The following OR2T11 variants were observed in gnomAD, a reference collection of about 807,000 sequenced individuals.
The protein encoded by OR2T11 is olfactory receptor 2T11.
In OR2T11, 14 loss-of-function variants were observed where a neutral mutation model predicts 13.5. That is an observed-to-expected ratio of 1.04 (90% confidence interval 0.69 to 1.62). OR2T11 has a LOEUF of 1.62. Among genes scored for constraint, OR2T11 ranks in the 40% most tolerant of loss-of-function variants. The pLI, the probability that OR2T11 is intolerant of heterozygous loss-of-function variation, is 0.00. For missense variants in OR2T11, 410 were observed against 389.7 expected, an observed-to-expected ratio of 1.05 and a Z score of -0.44; for synonymous variants, 163 against 154.6, an observed-to-expected ratio of 1.05 and a Z score of -0.40.
rs1381904161 is a variant in OR2T11, at chr1:248,626,175, T to C, written c.*3A>G. The C allele has an allele frequency of 7.0e-7, 1 of 1,435,462 alleles. No individual in the cohort carries two copies. The highest frequency in any genetic ancestry group is 1.6e-5 in the African/African-American group (1 of 62,774). 88.9% of individuals were successfully genotyped at this position (1,435,462 alleles called of 1,614,324 possible). A position where few individuals can be genotyped will look rare whatever the true frequency, so the allele number is the denominator to read the frequency against. ...GAAGCCTTATCCTCTGGGCAGTGAC[T>C]CTCTAAGCATCACTTGTTGCTACTT... is the stretch of plus-strand genomic sequence containing the variant. On this transcript the variant is annotated 3_prime_UTR_variant, in exon 2 of 2. Coordinates refer to ENST00000641193, the MANE Select transcript of OR2T11 (RefSeq NM_001001964.2).
intron 1 of OR2T11, among the ~76,000 whole-genome samples, chr1:248,633,841 C>CT (rs200727949): frequency 2.1e-5 from 3 of 143,824 alleles, no homozygotes; most frequent in Non-Finnish European, 4.5e-5. Context: ...AGAAATGCCC[C>CT]TAATGGGACT....
rs540029475 is a variant in OR2T11 at position 248,631,497 on chromosome 1, T to TC, written c.-145+3540dup. ...GCTCTCTGCCACTACCCTTAACTTCTCCCCAAAGATAATATCCCTTTGAGC... is the reference window on the plus strand; with the variant it reads ...GCTCTCTGCCACTACCCTTAACTTCTCCCCCAAAGATAATATCCCTTTGAGC... On this transcript the variant is annotated intron_variant, in intron 1 of 1. Transcript: ENST00000641193. Among the ~76,000 whole-genome samples, 123 of 142,024 alleles carry TC rather than the reference T, an allele frequency of 8.7e-4. 30 individuals carry two copies. Among genetic ancestry groups the TC allele is most frequent in the African/African-American group, 3.3e-3 (117 of 35,778 alleles). 93.2% of individuals were successfully genotyped at this position (142,024 alleles called of 152,430 possible).
rs1396663844 is a variant in OR2T11 at position 248,623,960 on chromosome 1, G to GAT, written c.*2216_*2217dup. 1 of 141,426 alleles carries GAT rather than the reference G, an allele frequency of 7.1e-6. No homozygotes were observed. The highest frequency in any genetic ancestry group is 1.5e-5 in the Non-Finnish European group (1 of 65,706). 8.8% of individuals were successfully genotyped at this position (141,426 alleles called of 1,614,324 possible). A position where few individuals can be genotyped will look rare whatever the true frequency, so the allele number is the denominator to read the frequency against. ...CTCAAACTTTTGACGGGACCACCCT[G>GAT]ATCTTTACTCATAGACGCTCTCATT... On this transcript the variant is annotated 3_prime_UTR_variant, in exon 2 of 2. Transcript: ENST00000641193.
rs1344063763 is a variant in OR2T11 at position 248,625,931 on chromosome 1, T to C, written c.*247A>G. On this transcript the variant is annotated 3_prime_UTR_variant, in exon 2 of 2. Coordinates refer to ENST00000641193, the MANE Select transcript of OR2T11 (RefSeq NM_001001964.2). ...GAACTCTAATATTTGGGGTTTTTCT[T>C]CCCTAAATAAAAAGACTAGATAAAT... The C allele has an allele frequency of 3.2e-6, 1 of 309,838 alleles. No homozygotes were observed. The highest frequency in any genetic ancestry group is 5.8e-6 in the Non-Finnish European group (1 of 172,466). The allele number at this position is 309,838 out of a possible 1,614,324, so 19.2% of individuals were successfully genotyped here. A position where few individuals can be genotyped will look rare whatever the true frequency, so the allele number is the denominator to read the frequency against.
Position 248,626,911 on chromosome 1 carries a change from G to T in OR2T11, c.218C>A (p.Thr73Asn). ...GTCTGCCAGGAGTTTTGGGACAGTG[G>T]TACAGATGAAAAGGGTGTCCATGAT... ...LSIMDTLFICTTVPKLLADMV... is the reference protein window; with the variant it reads ...LSIMDTLFICNTVPKLLADMV... Residue 73 changes from threonine to asparagine, a missense_variant, in exon 2 of 2, where the codon ACC (threonine) becomes AAC (asparagine). Thr to Asn is a moderately conservative substitution (Grantham distance 65). Coordinates refer to ENST00000641193, the MANE Select transcript of OR2T11 (RefSeq NM_001001964.2). The T allele has an allele frequency of 1.3e-6, 2 of 1,570,392 alleles. No individual in the cohort carries two copies. Among genetic ancestry groups the T allele is most frequent in the Non-Finnish European group, 1.7e-6 (2 of 1,154,466 alleles).
In OR2T11 at chr1:248,626,415, A is replaced by G. The variant is rs530912003; in HGVS notation, c.714T>C (p.Cys238=). The G allele has an allele frequency of 2.8e-5, 44 of 1,571,602 alleles. 9 individuals are homozygous for G. The East Asian group carries it at 8.2e-4, about 29-fold the overall frequency. The change falls in exon 2 of 2, where the codon TGT becomes TGC. Residue 238 remains cysteine, a synonymous_variant. Transcript: ENST00000641193. ...TGCTAACTACAGTCAAGTGGGAGGA[A>G]CAAGTGGTGAAGGCCTTTTTGCGAC... ...AEGRKKAFTT[C]SSHLTVVSIF...
Position 248,627,144 on chromosome 1 carries a change from GCGT to G in OR2T11, c.-19_-17del, listed in dbSNP as rs757921763. The G allele has an allele frequency of 5.1e-6, 7 of 1,382,788 alleles. 1 individual carries two copies. In the East Asian group the frequency reaches 1.6e-4, roughly 32 times the overall value. 85.7% of individuals were successfully genotyped at this position (1,382,788 alleles called of 1,614,324 possible). A position where few individuals can be genotyped will look rare whatever the true frequency, so the allele number is the denominator to read the frequency against. On this transcript the variant is annotated 5_prime_UTR_variant, in exon 2 of 2. Transcript: ENST00000641193. ...TGTTCGTCATTGATATGGCCCACGA[GCGT>G]CCCAGGGCAACGGGAAGACACAAGG...
chr1:248,630,428 CAA>C (rs3033663), intron 1 of OR2T11, among the ~76,000 whole-genome samples: 133,554 of 141,232 alleles, frequency 0.95, 64,609 homozygotes, highest in East Asian at 1. Context: ...GCATAATTCA[CAA>C]AAAAAGGAGG....
chr1:248,626,968 G>C lies in OR2T11; in HGVS notation c.161C>G (p.Thr54Ser). The C allele has an allele frequency of 6.4e-7, 1 of 1,571,958 alleles. No individual in the cohort carries two copies. The highest frequency in any genetic ancestry group is 8.7e-7 in the Non-Finnish European group (1 of 1,156,042). ...CTGACTGAGCAGAAAGTACATGGGG[G>C]TGTGGAGGCGAGAGTCCACCTGAAT... Reference protein sequence around the residue: ...FLIQVDSRLHTPMYFLLSQLS... With the variant: ...FLIQVDSRLHSPMYFLLSQLS... The change falls in exon 2 of 2, where the codon ACC becomes AGC. Residue 54 changes from threonine (T) to serine (S), a missense_variant. Thr to Ser is a moderately conservative substitution (Grantham distance 58). Transcript: ENST00000641193.
chr1:248,631,922 T>C (rs2103103751), intron 1 of OR2T11, among the ~76,000 whole-genome samples: 1 of 143,806 alleles, frequency 7.0e-6, no homozygotes, highest in East Asian at 2.0e-4. Flanking sequence ...CATGAAGCCC[T>C]GTACGTACTA....
Position 248,626,130 on chromosome 1 carries a change from CA to C in OR2T11, c.*47del. On this transcript the variant is annotated 3_prime_UTR_variant, in exon 2 of 2. Coordinates refer to ENST00000641193, the MANE Select transcript of OR2T11 (RefSeq NM_001001964.2). ...GCAGATCATCTCCAGGGAAACAGGG[CA>C]AATGGAGGAAGTCCTTAGGAAGCCT... is the stretch of plus-strand genomic sequence containing the variant. The C allele has an allele frequency of 9.5e-7, 1 of 1,047,868 alleles. No homozygotes were observed. Among genetic ancestry groups the C allele is most frequent in the South Asian group, 1.4e-5 (1 of 70,254 alleles). The allele number at this position is 1,047,868 out of a possible 1,614,324, so 64.9% of individuals were successfully genotyped here. A position where few individuals can be genotyped will look rare whatever the true frequency, so the allele number is the denominator to read the frequency against.
At position 248,628,650 on chromosome 1, in the gene OR2T11, GT is replaced by G. The variant is rs1377130263; in HGVS notation, c.-144-1379del. Reference sequence around the variant, plus strand: ...CTTTACCATGCTGAAGTCATATCTGGTTTCACAAAGGTACCAGAATTGTTAT... The same window carrying G: ...CTTTACCATGCTGAAGTCATATCTGGTTCACAAAGGTACCAGAATTGTTAT... On this transcript the variant is annotated intron_variant, in intron 1 of 1. Coordinates refer to ENST00000641193, the MANE Select transcript of OR2T11 (RefSeq NM_001001964.2). Among the ~76,000 whole-genome samples the G allele has an allele frequency of 4.9e-5, 7 of 142,968 alleles. 1 individual carries two copies. The highest frequency in any genetic ancestry group is 1.9e-4 in the African/African-American group (7 of 36,234). 93.8% of individuals were successfully genotyped at this position (142,968 alleles called of 152,430 possible).
rs756539546 is a variant in OR2T11, at chr1:248,626,243, C to G, written c.886G>C (p.Gly296Arg). ...CATGCAAATACCTTTTTAAATGCCC[C>G]TATGACGTCCTTGTTTCTGAGGCTG... ...IYSLRNKDVI[G>R]AFKKVFACCS... The change falls in exon 2 of 2, where the codon GGG becomes CGG. Residue 296 changes from glycine to arginine, a missense_variant. Physicochemically the swap from Gly to Arg is moderately radical, Grantham distance 125. Coordinates refer to ENST00000641193, the MANE Select transcript of OR2T11 (RefSeq NM_001001964.2). The G allele has an allele frequency of 2.5e-6, 4 of 1,569,490 alleles. No homozygotes were observed. The highest frequency in any genetic ancestry group is 2.3e-5 in the East Asian group (1 of 43,654).
In OR2T11 at chr1:248,632,625, C is replaced by T. The variant is rs1336008727; in HGVS notation, c.-145+2413G>A. On this transcript the variant is annotated intron_variant, in intron 1 of 1. Transcript: ENST00000641193. Reference sequence around the variant, plus strand: ...TTTGGAAAATTAACGCTGTTTTTGGCCTCTTGCCAATCAAGCGGTCTTTTC... The same window carrying T: ...TTTGGAAAATTAACGCTGTTTTTGGTCTCTTGCCAATCAAGCGGTCTTTTC... Among the ~76,000 whole-genome samples, 9 of 120,930 alleles carry T rather than the reference C, an allele frequency of 7.4e-5. No homozygotes were observed. The South Asian group carries it at 1.7e-3, about 22-fold the overall frequency. The allele number at this position is 120,930 out of a possible 152,430, so 79.3% of individuals were successfully genotyped here.
At position 248,629,937 on chromosome 1, in the gene OR2T11, CG is replaced by C. The variant is rs925825718; in HGVS notation, c.-144-2666del. Among the ~76,000 whole-genome samples, 8 of 141,988 alleles carry C rather than the reference CG, an allele frequency of 5.6e-5. 1 individual carries two copies. The highest frequency in any genetic ancestry group is 2.0e-4 in the African/African-American group (7 of 35,818). The allele number at this position is 141,988 out of a possible 152,430, so 93.1% of individuals were successfully genotyped here. ...TATTTTTCTTCACTTTTCTTAACACCGTCTGACACTACCTTGTGTTTTGTGT... is the reference window on the plus strand; with the variant it reads ...TATTTTTCTTCACTTTTCTTAACACCTCTGACACTACCTTGTGTTTTGTGT... On this transcript the variant is annotated intron_variant, in intron 1 of 1. Coordinates refer to ENST00000641193, the MANE Select transcript of OR2T11 (RefSeq NM_001001964.2).
rs201121764 is a variant in OR2T11, at chr1:248,630,430, A to G, written c.-144-3158T>C. On this transcript the variant is annotated intron_variant, in intron 1 of 1. Transcript: ENST00000641193. ...AATTAAGATGTCAGCATAATTCACA[A>G]AAAAAGGAGGGACTTGCCACTTCTT... Among the ~76,000 whole-genome samples the G allele has an allele frequency of 2.4e-3, 8 of 3,338 alleles. 1 individual carries two copies. In the Non-Finnish European group the frequency reaches 0.056, roughly 24 times the overall value. The allele number at this position is 3,338 out of a possible 152,430, so 2.2% of individuals were successfully genotyped here. A position where few individuals can be genotyped will look rare whatever the true frequency, so the allele number is the denominator to read the frequency against.
At chr1:248,634,937 A>AAGAAAG (rs1176894286) in intron 1 of OR2T11, 101 bp downstream of exon 1, 2 of 144,576 alleles carry the variant, frequency 1.4e-5, no homozygotes, top group Admixed American at 1.4e-4. Context: ...TAATAAGTAG[A>AAGAAAG]CTTTATGCTT....
Position 248,627,229 on chromosome 1 carries a change from AC to A in OR2T11, c.-102del, listed in dbSNP as rs1240067073. 7.9e-5 allele frequency: 55 copies of A among 694,742 alleles called. 2 individuals carry two copies. In the African/African-American group the frequency reaches 1.1e-3, roughly 14 times the overall value. 43.0% of individuals were successfully genotyped at this position (694,742 alleles called of 1,614,324 possible). A position where few individuals can be genotyped will look rare whatever the true frequency, so the allele number is the denominator to read the frequency against. ...ATGGGAAAGGTCTGCAGTAGAGGTG[AC>A]ACTTCTGAGGGTACCGTCAGGATGA... On this transcript the variant is annotated 5_prime_UTR_variant, in exon 2 of 2. Transcript: ENST00000641193.
chr1:248,633,730 T>TTCTTTC (rs1660646522), intron 1 of OR2T11, among the ~76,000 whole-genome samples: 1 of 142,872 alleles, frequency 7.0e-6, no homozygotes, highest in Non-Finnish European at 1.5e-5. Flanking sequence ...ACTTTGGAAA[T>TTCTTTC]CCAGGGAAAG....
Sources: gnomAD v4.1 joint callset for allele counts (sites outside exome capture counted in the v4.1 genomes callset) on GRCh38, gnomAD v4.1.1 for gene constraint, MANE v1.5 for transcripts, NCBI Gene and HGNC (gene_info 2026-07-23, HGNC 2026-07-21) for gene names.